The following LDLRAD3 variants were observed in gnomAD, a reference collection of about 807,000 sequenced individuals.
LDLRAD3 encodes the protein low density lipoprotein receptor class A domain containing 3.
LDLRAD3 carries 20 observed loss-of-function variants against 29.4 expected under a neutral mutation model. The ratio of observed to expected loss-of-function variants is 0.68; its 90% confidence interval spans 0.48 to 0.99. LDLRAD3 has a LOEUF of 0.99. LDLRAD3 is among the 50% of genes least tolerant of loss of function. LDLRAD3 has a pLI of 0.00. For missense variants in LDLRAD3, 420 were observed against 454.3 expected (o/e 0.92, Z 0.69); for synonymous variants, 157 against 192.7 (o/e 0.81, Z 1.53).
At chr11:36,204,813 G>GT (rs1855183115) in intron 4 of LDLRAD3, among the ~76,000 whole-genome samples, 1 of 152,136 alleles carries the variant, frequency 6.6e-6, no homozygotes, top group African/African-American at 2.4e-5. Context: ...AATGGTTTCA[G>GT]TTTTCCTCTG....
intron 4 of LDLRAD3, among the ~76,000 whole-genome samples, chr11:36,211,208 G>T (rs951220757): frequency 6.6e-5 from 10 of 152,164 alleles, no homozygotes; most frequent in Non-Finnish European, 1.3e-4. Flanking sequence ...ATAATGAATG[G>T]GAATGGCTGT....
intron 4 of LDLRAD3, among the ~76,000 whole-genome samples, chr11:36,125,370 C>T (rs1458894227): frequency 6.6e-6 from 1 of 152,152 alleles, no homozygotes; most frequent in Non-Finnish European, 1.5e-5. Context: ...TCCTCGTTTT[C>T]TCTGCCTGTA....
intron 4 of LDLRAD3, among the ~76,000 whole-genome samples, chr11:36,148,574 G>A (rs991496494): frequency 6.6e-6 from 1 of 152,172 alleles, no homozygotes; most frequent in African/African-American, 2.4e-5. Context: ...TTAGAGTCAT[G>A]GAGTTGGAGG....
chr11:35,978,914 G>T (rs1489751842), intron 1 of LDLRAD3, among the ~76,000 whole-genome samples: 1 of 152,140 alleles, frequency 6.6e-6, no homozygotes, highest in Non-Finnish European at 1.5e-5. Context: ...GCTCATTTTG[G>T]ATTTTGCTGA....
intron 3 of LDLRAD3, among the ~76,000 whole-genome samples, chr11:36,091,491 C>G (rs1368585857): frequency 6.6e-6 from 1 of 152,108 alleles, no homozygotes; most frequent in Non-Finnish European, 1.5e-5. Context: ...GCCTCCCTCC[C>G]TCCCTCCCTC....
intron 1 of LDLRAD3, among the ~76,000 whole-genome samples, chr11:35,960,838 G>A (rs555004670): frequency 1.4e-4 from 21 of 152,200 alleles, no homozygotes; most frequent in Admixed American, 4.6e-4. Flanking sequence ...CTCATGATCC[G>A]CCCGCCTCGC....
chr11:35,984,016 A>AT (rs1377021549), intron 1 of LDLRAD3, among the ~76,000 whole-genome samples: 2 of 152,022 alleles, frequency 1.3e-5, no homozygotes, highest in Admixed American at 6.6e-5. Context: ...ATGATGAAGG[A>AT]TTTTTTCTGC....
At chr11:36,108,701 T>C (rs1590274027) in intron 4 of LDLRAD3, among the ~76,000 whole-genome samples, 1 of 152,028 alleles carries the variant, frequency 6.6e-6, no homozygotes, top group Admixed American at 6.5e-5. Flanking sequence ...GATCCCAAGG[T>C]GAGAAACAGC....
At chr11:36,185,374 A>C (rs181076749) in intron 4 of LDLRAD3, among the ~76,000 whole-genome samples, 275 of 152,320 alleles carry the variant, frequency 1.8e-3, no homozygotes, top group African/African-American at 6.3e-3. Context: ...GATTCCATAA[A>C]AGGTAAAAAT....
At chr11:36,044,157 C>G (rs1246456075) in intron 2 of LDLRAD3, among the ~76,000 whole-genome samples, 7 of 151,970 alleles carry the variant, frequency 4.6e-5, no homozygotes, top group Admixed American at 4.6e-4. Context: ...CTGTGCAGCC[C>G]CCGGGCTTAC....
Position 36,230,549 on chromosome 11 carries a change from G to A in LDLRAD3, c.*1152G>A. 6.6e-6 allele frequency: 1 copy of A among 152,650 alleles called. No individual in the cohort carries two copies. The highest frequency in any genetic ancestry group is 2.4e-5 in the African/African-American group (1 of 41,414). The allele number at this position is 152,650 out of a possible 1,614,324, so 9.5% of individuals were successfully genotyped here. A position where few individuals can be genotyped will look rare whatever the true frequency, so the allele number is the denominator to read the frequency against. On this transcript the variant is annotated 3_prime_UTR_variant, in exon 6 of 6. Coordinates refer to ENST00000315571, the MANE Select transcript of LDLRAD3 (RefSeq NM_174902.4). ...CACCTCTAGTTAGAGTTAGGGTCAG[G>A]GTCAGGCCTCTCCCAACATCCCAGT...
chr11:36,055,653 A>G (rs904123547), intron 2 of LDLRAD3, among the ~76,000 whole-genome samples: 1 of 152,120 alleles, frequency 6.6e-6, no homozygotes, highest in Non-Finnish European at 1.5e-5. Flanking sequence ...CAGGGTAGAA[A>G]CCACAGCGCT....
chr11:36,082,721 G>A (rs771295608), intron 3 of LDLRAD3, among the ~76,000 whole-genome samples: 1 of 152,220 alleles, frequency 6.6e-6, no homozygotes, highest in Non-Finnish European at 1.5e-5. Flanking sequence ...CAGTCTTGCT[G>A]TTGGGTTTAA....
At chr11:36,155,305 T>A (rs1377126248) in intron 4 of LDLRAD3, among the ~76,000 whole-genome samples, 1 of 152,158 alleles carries the variant, frequency 6.6e-6, no homozygotes, top group Admixed American at 6.5e-5. Flanking sequence ...GGCCTTTCAG[T>A]GACATTCATT....
At chr11:36,077,338 C>T (rs1297657436) in intron 2 of LDLRAD3, among the ~76,000 whole-genome samples, 5 of 152,178 alleles carry the variant, frequency 3.3e-5, no homozygotes, top group African/African-American at 1.2e-4. Context: ...AGTACTGTTA[C>T]GGGATCTTTG....
At chr11:35,954,609 AAATTTACCTGGCCAAG>A (rs1424933642) in intron 1 of LDLRAD3, among the ~76,000 whole-genome samples, 1 of 152,206 alleles carries the variant, frequency 6.6e-6, no homozygotes, top group African/African-American at 2.4e-5. Context: ...ATGGTGAATG[AAATTTACCTGGCCAAG>A]CTAACTTTGC....
At chr11:35,973,944 A>T (rs1851446814) in intron 1 of LDLRAD3, among the ~76,000 whole-genome samples, 1 of 152,192 alleles carries the variant, frequency 6.6e-6, no homozygotes, top group Non-Finnish European at 1.5e-5. Flanking sequence ...TCTTATAATG[A>T]GGAAACATCT....
At chr11:36,054,304 T>C (rs999453772) in intron 2 of LDLRAD3, among the ~76,000 whole-genome samples, 1 of 152,224 alleles carries the variant, frequency 6.6e-6, no homozygotes, top group Admixed American at 6.5e-5. Flanking sequence ...GAAAATTACA[T>C]AGGAGCAGCA....
intron 4 of LDLRAD3, among the ~76,000 whole-genome samples, chr11:36,158,417 A>T (rs1854385570): frequency 6.6e-6 from 1 of 151,926 alleles, no homozygotes; most frequent in South Asian, 2.1e-4. Flanking sequence ...GCTCTTTATC[A>T]GGTGCCACCC....
Sources: gnomAD v4.1 joint callset for allele counts (sites outside exome capture counted in the v4.1 genomes callset) on GRCh38, gnomAD v4.1.1 for gene constraint, MANE v1.5 for transcripts, NCBI Gene and HGNC (gene_info 2026-07-23, HGNC 2026-07-21) for gene names.